ART3: variants seen among roughly 807,000 people sequenced by gnomAD.
The protein encoded by ART3 is ADP-ribosyltransferase 3 (inactive), also known as ecto-ADP-ribosyltransferase 3.
ART3 carries 49 observed loss-of-function variants against 48.5 expected under a neutral mutation model. That is an observed-to-expected ratio of 1.01 (90% CI 0.80 to 1.28). ART3 has a LOEUF of 1.28. Ranked by LOEUF, ART3 falls within the 50% of genes most tolerant of loss-of-function variation. The probability of loss-of-function intolerance (pLI) is 0.00; values close to 1 mark genes in which losing one functional copy is unlikely to be tolerated. For synonymous variants in ART3, 145 were observed against 157.2 expected (o/e 0.92, Z 0.58); for missense variants, 438 against 454.3 (o/e 0.96, Z 0.33).
intron 1 of ART3, among the ~76,000 whole-genome samples, chr4:76,055,129 A>C (rs1407776521): frequency 1.3e-5 from 2 of 152,172 alleles, no homozygotes; most frequent in Non-Finnish European, 2.9e-5. Flanking sequence ...TTGAATCTAC[A>C]ACCTAGCTTA....
chr4:76,011,675 G>A (rs1578173098), intron 1 of ART3, among the ~76,000 whole-genome samples: 1 of 152,298 alleles, frequency 6.6e-6, no homozygotes, highest in East Asian at 1.9e-4. Context: ...GATAGCAAGC[G>A]GAATGGGAGG....
intron 1 of ART3, among the ~76,000 whole-genome samples, chr4:76,020,115 T>C (rs1019465988): frequency 2.5e-5 from 3 of 118,698 alleles, no homozygotes; most frequent in Non-Finnish European, 5.3e-5. Flanking sequence ...TTCTGTTTCC[T>C]TTTTTTTTTT....
At chr4:76,013,573 A>G (rs1731999757) in intron 1 of ART3, among the ~76,000 whole-genome samples, 1 of 152,200 alleles carries the variant, frequency 6.6e-6, no homozygotes. Flanking sequence ...CTTCATTCTC[A>G]GTTCTGTGTA....
At chr4:76,018,538 A>G (rs1017676998) in intron 1 of ART3, among the ~76,000 whole-genome samples, 3 of 152,272 alleles carry the variant, frequency 2.0e-5, no homozygotes, top group Non-Finnish European at 4.4e-5. Flanking sequence ...CCCCCACAAC[A>G]CACGATTTAC....
Position 76,101,818 on chromosome 4 carries a change from C to G in ART3, c.937+799C>G, listed in dbSNP as rs529031722. ...CAGGAACAGTCTCATAAATTACTGG[C>G]GAGATTATAAATTGGAACTTTTTTG... On this transcript the variant is annotated intron_variant, in intron 8 of 11. Coordinates refer to ENST00000355810, the MANE Select transcript of ART3 (RefSeq NM_001130016.3). 2.6e-5 allele frequency among the ~76,000 whole-genome samples: 4 copies of G among 152,064 alleles called. 1 individual carries two copies. The South Asian group carries it at 8.3e-4, about 32-fold the overall frequency.
At position 76,082,093 on chromosome 4, in the gene ART3, T is replaced by G. The variant is rs1722613516; in HGVS notation, c.339T>G (p.His113Gln). The change falls in exon 3 of 12, where the codon CAT becomes CAG. Residue 113 changes from histidine (H) to glutamine (Q), a missense_variant. Transcript: ENST00000355810. ...SEAQEQTPFY[H>Q]LFSEAVKMAG... ...CTCAAGAGCAAACTCCCTTTTACCA[T>G]CTGTTCAGTGAAGCTGTGAAGATGG... 1 of 1,614,228 alleles carries G rather than the reference T, an allele frequency of 6.2e-7. No individual in the cohort carries two copies. Among genetic ancestry groups the G allele is most frequent in the Non-Finnish European group, 8.5e-7 (1 of 1,180,052 alleles).
intron 1 of ART3, among the ~76,000 whole-genome samples, chr4:76,043,860 C>T (rs1735234917): frequency 6.6e-6 from 1 of 151,976 alleles, no homozygotes; most frequent in African/African-American, 2.4e-5. Context: ...AATCCCACCT[C>T]TAAACAGGAC....
intron 1 of ART3, among the ~76,000 whole-genome samples, chr4:76,018,482 G>A (rs1732463640): frequency 6.6e-6 from 1 of 151,948 alleles, no homozygotes; most frequent in South Asian, 2.1e-4. Context: ...CTACCTATCT[G>A]GTACTATGTT....
At chr4:76,053,177 A>C (rs1736297525) in intron 1 of ART3, among the ~76,000 whole-genome samples, 1 of 152,186 alleles carries the variant, frequency 6.6e-6, no homozygotes, top group Non-Finnish European at 1.5e-5. Flanking sequence ...TTTTTTAACT[A>C]TGCCTGTTCA....
intron 1 of ART3, among the ~76,000 whole-genome samples, chr4:76,043,699 A>T (rs149834326): frequency 6.7e-6 from 1 of 149,360 alleles, no homozygotes; most frequent in Non-Finnish European, 1.5e-5. Flanking sequence ...TGAGCGAGCC[A>T]GCTCCGGCCT....
intron 1 of ART3, among the ~76,000 whole-genome samples, chr4:76,037,440 T>C (rs937330053): frequency 1.3e-5 from 2 of 152,180 alleles, no homozygotes; most frequent in Non-Finnish European, 2.9e-5. Flanking sequence ...TTTCTAACTT[T>C]AAATATATTT....
At chr4:76,012,029 C>G (rs1731848836) in intron 1 of ART3, 1 of 152,192 alleles carries the variant, frequency 6.6e-6, no homozygotes, top group African/African-American at 2.4e-5. Flanking sequence ...GTTACCAATT[C>G]CTTTTTGGAC....
intron 1 of ART3, among the ~76,000 whole-genome samples, chr4:76,026,101 A>G (rs1012146313): frequency 4.0e-5 from 6 of 151,378 alleles, no homozygotes; most frequent in Admixed American, 6.6e-5. Flanking sequence ...CTCAACCACT[A>G]CAATCCAGTC....
intron 9 of ART3, chr4:76,104,369 C>T (rs948327687): frequency 2.0e-6 from 2 of 985,282 alleles, no homozygotes; most frequent in Non-Finnish European, 2.4e-6. Flanking sequence ...ACGATATTCT[C>T]CTGGCATAAA....
chr4:76,081,999 C>T lies in ART3; in HGVS notation c.245C>T (p.Thr82Ile), dbSNP rs753184440. The change falls in exon 3 of 12, where the codon ACT becomes ATT. Residue 82 changes from threonine (T) to isoleucine (I), a missense_variant. Physicochemically the swap from Thr to Ile is moderately conservative, Grantham distance 89. Coordinates refer to ENST00000355810, the MANE Select transcript of ART3 (RefSeq NM_001130016.3). ...AAAGCCAAATGGGCAGCCCGAAAGA[C>T]TCAAATCTTTCTCCCTATGAATTTT... is the stretch of plus-strand genomic sequence containing the variant. ...NAKAKWAARK[T>I]QIFLPMNFKD... The T allele has an allele frequency of 6.2e-6, 10 of 1,614,080 alleles. No individual in the cohort carries two copies. The highest frequency in any genetic ancestry group is 1.6e-4 in the Middle Eastern group (1 of 6,084).
At chr4:76,062,885 A>C (rs1404179756) in intron 1 of ART3, among the ~76,000 whole-genome samples, 2 of 151,920 alleles carry the variant, frequency 1.3e-5, no homozygotes, top group African/African-American at 4.8e-5. Context: ...AATGCTCAGT[A>C]GCTACATGTG....
At chr4:76,054,170 G>A (rs142563516) in intron 1 of ART3, among the ~76,000 whole-genome samples, 23 of 152,266 alleles carry the variant, frequency 1.5e-4, no homozygotes, top group African/African-American at 5.3e-4. Context: ...AATAGATCTG[G>A]TCGATATTAT....
At chr4:76,101,164 C>G (rs1212487285) in intron 8 of ART3, 145 bp downstream of exon 8, 3 of 904,690 alleles carry the variant, frequency 3.3e-6, no homozygotes, top group South Asian at 1.9e-5. Flanking sequence ...ATTAGAGACT[C>G]TCCTGGGTTT....
chr4:76,095,334 C>T (rs998670627), intron 3 of ART3, among the ~76,000 whole-genome samples: 2 of 152,004 alleles, frequency 1.3e-5, no homozygotes, highest in African/African-American at 4.8e-5. Context: ...ATGGTGAAAC[C>T]CTGCCTCTAT....
Sources: allele counts gnomAD v4.1 joint callset (sites outside exome capture counted in the v4.1 genomes callset), GRCh38; gene constraint gnomAD v4.1.1; transcripts MANE v1.5; gene names NCBI Gene and HGNC (gene_info 2026-07-23, HGNC 2026-07-21).